ZNF711: variants seen among roughly 807,000 people sequenced by gnomAD.
ZNF711 encodes the protein zinc finger protein 711.
A neutral mutation model predicts 43.5 loss-of-function variants in ZNF711; 3 were observed. The observed-to-expected ratio is 0.07, with a 90% CI of 0.03 to 0.18. ZNF711 has a LOEUF of 0.18. Among genes scored for constraint, ZNF711 ranks in the 10% least tolerant of loss-of-function variants. ZNF711 has a pLI of 1.00. For synonymous variants in ZNF711, 209 were observed against 207.7 expected, an observed-to-expected ratio of 1.01 and a Z score of -0.06; for missense variants, 412 against 604.0, an observed-to-expected ratio of 0.68 and a Z score of 3.33.
At chrX:85,259,139 A>G (rs1463467185) in intron 5 of ZNF711, among the ~76,000 whole-genome samples, 1 of 111,450 alleles carries the variant, frequency 9.0e-6, no homozygotes, top group Non-Finnish European at 1.9e-5. Flanking sequence ...CAGCTATCCC[A>G]GCACCATTTA....
intron 9 of ZNF711, 83 bp from the exon 10 acceptor site, chrX:85,269,920 A>G (rs1931430894): frequency 4.9e-6 from 5 of 1,017,735 alleles, no homozygotes; most frequent in Non-Finnish European, 6.9e-6. Flanking sequence ...ACTTGGTGTC[A>G]TGTCATCTGT....
At chrX:85,269,370 CTTTCT>C (rs1931372544) in intron 9 of ZNF711, among the ~76,000 whole-genome samples, 1 of 101,449 alleles carries the variant, frequency 9.9e-6, no homozygotes, top group Non-Finnish European at 2.0e-5. Flanking sequence ...TTCTTTCTTT[CTTTCT>C]TTTTTCTTTT....
Position 85,271,078 on chromosome X carries a change from G to C in ZNF711, c.1674G>C (p.Lys558Asn). The change falls in exon 11 of 11, where the codon AAG (lysine) becomes AAC (asparagine). Residue 558 changes from lysine (K) to asparagine (N), a missense_variant. Around this residue, in one of 4 missense-constraint regions of ZNF711, gnomAD observed 375 missense variants for 514.2 expected, o/e 0.73. Transcript: ENST00000674551. ...NFPHVCVECG[K>N]GFRHPSELKK... ...CTCATGTTTGTGTTGAGTGTGGGAA[G>C]GGTTTTCGACATCCTTCTGAACTCA... 2 of 1,211,069 alleles carry C rather than the reference G, an allele frequency of 1.7e-6. No homozygotes were observed. The highest frequency in any genetic ancestry group is 2.2e-6 in the Non-Finnish European group (2 of 895,254).
chrX:85,264,507 T>C (rs1315492749), intron 6 of ZNF711, 77 bp downstream of exon 6: 3 of 978,747 alleles, frequency 3.1e-6, no homozygotes, highest in Non-Finnish European at 2.8e-6. Flanking sequence ...AGTCTAAAAA[T>C]GTTCTCAAAG....
At chrX:85,267,566 A>G (rs188789511) in intron 8 of ZNF711, among the ~76,000 whole-genome samples, 151 bp downstream of exon 8, 281 of 112,006 alleles carry the variant, frequency 2.5e-3, no homozygotes, top group Admixed American at 4.0e-3. Flanking sequence ...TAGTTACTTT[A>G]GATGATTTTT....
intron 5 of ZNF711, among the ~76,000 whole-genome samples, chrX:85,258,458 A>G (rs915547304): frequency 1.8e-5 from 2 of 110,470 alleles, no homozygotes; most frequent in African/African-American, 6.6e-5. Flanking sequence ...CTAAAATCTC[A>G]TAAATCACCG....
At chrX:85,250,197 C>T (rs1392648898) in intron 4 of ZNF711, among the ~76,000 whole-genome samples, 1 of 111,659 alleles carries the variant, frequency 9.0e-6, no homozygotes, top group African/African-American at 3.3e-5. Flanking sequence ...GTATGAGTGC[C>T]TTTGGAGGCG....
intron 10 of ZNF711, 23 bp from the exon 11 acceptor site, chrX:85,270,627 CA>C: frequency 8.5e-7 from 1 of 1,173,095 alleles, no homozygotes; most frequent in Non-Finnish European, 1.2e-6. Context: ...CCAAATGTCA[CA>C]ACTTTCTCTT....
intron 7 of ZNF711, among the ~76,000 whole-genome samples, chrX:85,265,822 G>A (rs1296103028): frequency 9.0e-6 from 1 of 110,977 alleles, no homozygotes. Flanking sequence ...CTGATGGTTT[G>A]TTCTCCTGTC....
intron 7 of ZNF711, 128 bp from the exon 8 acceptor site, chrX:85,267,150 A>T: frequency 1.8e-6 from 1 of 568,801 alleles, no homozygotes; most frequent in Non-Finnish European, 2.5e-6. Context: ...ATAAATTGAA[A>T]TTAAATTTAT....
At chrX:85,257,168 A>G (rs893978507) in intron 5 of ZNF711, among the ~76,000 whole-genome samples, 4 of 112,088 alleles carry the variant, frequency 3.6e-5, no homozygotes, top group African/African-American at 1.3e-4. Context: ...CATATATCAA[A>G]TACAAGGACT....
Position 85,272,089 on chromosome X carries a change from TAAACTACAGAGGGGA to T in ZNF711, c.*265_*279del, listed in dbSNP as rs1337201693. 3.1e-6 allele frequency: 1 copy of T among 319,823 alleles called. No individual in the cohort carries two copies. The highest frequency in any genetic ancestry group is 5.4e-6 in the Non-Finnish European group (1 of 185,028). The allele number at this position is 319,823 out of a possible 1,213,427, so 26.4% of individuals were successfully genotyped here. The stretch of plus-strand genomic sequence containing the variant: ...TGTGTAATAGTATTATATGCATACT[TAAACTACAGAGGGGA>T]AAAGCAAAGACAAATACTTTATTTG... On this transcript the variant is annotated 3_prime_UTR_variant, in exon 11 of 11. Coordinates refer to ENST00000674551, the MANE Select transcript of ZNF711 (RefSeq NM_001330574.2).
rs1930034756 is a variant in ZNF711, at chrX:85,255,406, TC to T, written c.228del (p.Ile77SerfsTer6). ...LAAEVVHGPD[I>X]ITETDVVTEG... ...GCTGAAGTTGTCCATGGACCTGATA[TC>T]ATCACAGAGACTGATGTAGTAACAG... On this transcript the variant is annotated frameshift_variant, in exon 5 of 11. Coordinates refer to ENST00000674551, the MANE Select transcript of ZNF711 (RefSeq NM_001330574.2). LOFTEE classifies it high-confidence loss of function. 2.5e-6 allele frequency: 3 copies of T among 1,209,884 alleles called. No individual in the cohort carries two copies. In the South Asian group the frequency reaches 5.3e-5, roughly 21 times the overall value.
intron 4 of ZNF711, among the ~76,000 whole-genome samples, chrX:85,254,814 A>AAG (rs1555970254): frequency 4.7e-5 from 5 of 106,650 alleles, no homozygotes; most frequent in Admixed American, 2.0e-4. Context: ...AAAAAAAAAA[A>AAG]AAAAAGAAAA....
intron 4 of ZNF711, among the ~76,000 whole-genome samples, chrX:85,253,235 A>C (rs1929698805): frequency 8.9e-6 from 1 of 111,775 alleles, no homozygotes; most frequent in South Asian, 3.7e-4. Context: ...ATCAAACCAA[A>C]TATTAGTCTA....
At chrX:85,261,899 C>T (rs766641955) in intron 5 of ZNF711, among the ~76,000 whole-genome samples, 57 of 110,606 alleles carry the variant, frequency 5.2e-4, no homozygotes, top group Middle Eastern at 4.6e-3. Context: ...TTTAGAAGGG[C>T]CTTTGGAGAT....
chrX:85,265,273 C>T lies in ZNF711; in HGVS notation c.916+18C>T. On this transcript the variant is annotated intron_variant, in intron 7 of 10. Coordinates refer to ENST00000674551, the MANE Select transcript of ZNF711 (RefSeq NM_001330574.2). ...TGATATCAGTAAGAAAATAAGGGCA[C>T]TGTAGTGACTTATCAGTAGCCATCA... 2 of 1,201,072 alleles carry T rather than the reference C, an allele frequency of 1.7e-6. No individual in the cohort carries two copies. The highest frequency in any genetic ancestry group is 2.3e-6 in the Non-Finnish European group (2 of 887,532).
chrX:85,255,472 T>C lies in ZNF711; in HGVS notation c.293T>C (p.Val98Ala). 1.9e-5 allele frequency: 23 copies of C among 1,211,755 alleles called. No individual in the cohort carries two copies. Among genetic ancestry groups the C allele is most frequent in the Non-Finnish European group, 2.5e-5 (22 of 895,481 alleles). Residue 98 changes from valine to alanine, a missense_variant, in exon 5 of 11, where the codon GTT (valine) becomes GCT (alanine). Val to Ala is a moderately conservative substitution (Grantham distance 64). Around this residue, in one of 4 missense-constraint regions of ZNF711, gnomAD observed 375 missense variants for 514.2 expected, o/e 0.73. Transcript: ENST00000674551. ...CCTGAAGCGGTACTTGAAGCTGATG[T>C]TGCCATTGAAGAGGATTTAGAGGAA... ...IVPEAVLEAD[V>A]AIEEDLEEDD...
At position 85,264,434 on chromosome X, in the gene ZNF711, C is replaced by A; in HGVS notation, c.778+4C>A. On this transcript the variant is annotated splice_donor_region_variant and intron_variant, in intron 6 of 10. Coordinates refer to ENST00000674551, the MANE Select transcript of ZNF711 (RefSeq NM_001330574.2). ...GCTGAAGATGATGTTGAAATAGGTACAAACACTAATTTTAATTTATTGCTC... is the reference window on the plus strand; with the variant it reads ...GCTGAAGATGATGTTGAAATAGGTAAAAACACTAATTTTAATTTATTGCTC... 8.4e-7 allele frequency: 1 copy of A among 1,193,936 alleles called. No individual in the cohort carries two copies. Among genetic ancestry groups the A allele is most frequent in the Non-Finnish European group, 1.1e-6 (1 of 884,556 alleles).
Sources: allele counts gnomAD v4.1 joint callset (sites outside exome capture counted in the v4.1 genomes callset), GRCh38; gene constraint gnomAD v4.1.1; regional missense constraint gnomAD v4.1.1; transcripts MANE v1.5; gene names NCBI Gene and HGNC (gene_info 2026-07-23, HGNC 2026-07-21).